Variants in TFDP1 observed in about 807,000 individuals in gnomAD.
The protein encoded by TFDP1 is transcription factor Dp-1, also known as DRTF1-polypeptide 1.
Under a neutral mutation model 48.0 loss-of-function variants are expected in TFDP1, and 6 were observed. That is an observed-to-expected ratio of 0.13 (90% CI 0.07 to 0.25). The LOEUF is 0.25. Ranked by LOEUF, TFDP1 falls within the 10% of genes least tolerant of loss-of-function variation. The pLI, the probability that TFDP1 is intolerant of heterozygous loss-of-function variation, is 1.00. For synonymous variants in TFDP1, 201 were observed against 211.6 expected, an observed-to-expected ratio of 0.95 and a Z score of 0.44; for missense variants, 335 against 543.0, an observed-to-expected ratio of 0.62 and a Z score of 3.81.
Position 113,607,361 on chromosome 13 carries a change from G to A in TFDP1, c.13-3635G>A, listed in dbSNP as rs1051573282. Among the ~76,000 whole-genome samples the A allele has an allele frequency of 7.9e-5, 12 of 152,254 alleles. No individual in the cohort carries two copies. The highest frequency in any genetic ancestry group is 2.9e-4 in the African/African-American group (12 of 41,470). ...CTGGTGGAACCAGCAGGCCAAGGCTGTGGATTTTGAAGTGCTGTCTGCCAT... is the reference window on the plus strand; with the variant it reads ...CTGGTGGAACCAGCAGGCCAAGGCTATGGATTTTGAAGTGCTGTCTGCCAT... On this transcript the variant is annotated intron_variant, in intron 2 of 11. Transcript: ENST00000375370. This position sits in a 1 kb window ranked among gnomAD's most constrained non-coding sequence, Gnocchi z 5.2.
intron 3 of TFDP1, among the ~76,000 whole-genome samples, chr13:113,612,604 A>G (rs1393859251): frequency 6.6e-6 from 1 of 152,212 alleles, no homozygotes; most frequent in Non-Finnish European, 1.5e-5. Flanking sequence ...AAAAAAGTTC[A>G]CCATTTTATT....
rs376302303 is a variant in TFDP1 at position 113,623,978 on chromosome 13, G to A, written c.186+692G>A. Among the ~76,000 whole-genome samples the A allele has an allele frequency of 6.6e-6, 1 of 152,198 alleles. No homozygotes were observed. The highest frequency in any genetic ancestry group is 1.5e-5 in the Non-Finnish European group (1 of 68,022). On this transcript the variant is annotated intron_variant, in intron 4 of 11. Coordinates refer to ENST00000375370, the MANE Select transcript of TFDP1 (RefSeq NM_007111.5). This position sits in a 1 kb window ranked among gnomAD's most constrained non-coding sequence, Gnocchi z 5.2. ...GGGGCCCCAGGCACTTGGTGGGCAG[G>A]TTTGGCTGTGACTGGAGCTGGTGGT...
At chr13:113,605,184 G>T (rs150585935) in intron 2 of TFDP1, among the ~76,000 whole-genome samples, 24 of 152,104 alleles carry the variant, frequency 1.6e-4, no homozygotes, top group Non-Finnish European at 1.8e-4. Flanking sequence ...GTCCTTGGGG[G>T]TCACCTTCCA....
chr13:113,597,112 C>T (rs1487869172), intron 2 of TFDP1, among the ~76,000 whole-genome samples: 1 of 152,152 alleles, frequency 6.6e-6, no homozygotes, highest in Non-Finnish European at 1.5e-5. Context: ...CCAGGCCACC[C>T]TGGAGGAGGG....
At chr13:113,631,964 C>T (rs776647860) in intron 5 of TFDP1, 22 of 586,026 alleles carry the variant, frequency 3.8e-5, no homozygotes, top group Non-Finnish European at 5.8e-5. Context: ...CACCGCCCAC[C>T]CCGCTTTGTG....
intron 8 of TFDP1, among the ~76,000 whole-genome samples, chr13:113,635,524 C>G: frequency 6.6e-6 from 1 of 152,168 alleles, no homozygotes; most frequent in East Asian, 1.9e-4. Context: ...CTTGCAGGGC[C>G]TATTCCCCCA....
In TFDP1 at chr13:113,626,052, C is replaced by T. The variant is rs570106493; in HGVS notation, c.186+2766C>T. ...GTGTCTCTCACGCGTCCTCAGGTGT[C>T]TCTCACATGTCCTCAGGTGTCTCTC... On this transcript the variant is annotated intron_variant, in intron 4 of 11. Transcript: ENST00000375370. Among the ~76,000 whole-genome samples the T allele has an allele frequency of 4.1e-5, 6 of 147,380 alleles. No individual in the cohort carries two copies. In the South Asian group the frequency reaches 1.3e-3, roughly 32 times the overall value.
At chr13:113,632,981 C>T (rs562981024) in intron 5 of TFDP1, 139 bp from the exon 6 acceptor site, 99 of 1,009,002 alleles carry the variant, frequency 9.8e-5, no homozygotes, top group Admixed American at 2.7e-4. Context: ...GGCCTGCTCA[C>T]GTGTTGGATC....
intron 3 of TFDP1, among the ~76,000 whole-genome samples, chr13:113,616,755 GC>G (rs2048869249): frequency 6.6e-6 from 1 of 152,088 alleles, no homozygotes; most frequent in African/African-American, 2.4e-5. Context: ...TGTGCCCCTT[GC>G]CCCCCGACAC....
chr13:113,633,116 G>A lies in TFDP1; in HGVS notation c.309-4G>A. On this transcript the variant is annotated splice_region_variant and splice_polypyrimidine_tract_variant and intron_variant, in intron 5 of 11. Coordinates refer to ENST00000375370, the MANE Select transcript of TFDP1 (RefSeq NM_007111.5). The surrounding 1 kb of genome is among the most constrained non-coding windows in gnomAD (Gnocchi z 4.5). ...TCGCTTCTCTTTTCCTTTGTATTTT[G>A]AAGGAAGCGCAACAGGAAAGGAGAG... The A allele has an allele frequency of 6.5e-7, 1 of 1,535,032 alleles. No homozygotes were observed. Among genetic ancestry groups the A allele is most frequent in the South Asian group, 1.1e-5 (1 of 89,856 alleles).
At chr13:113,625,397 A>ACGTGTCCTCAGGCGTCTCC (rs2049123518) in intron 4 of TFDP1, among the ~76,000 whole-genome samples, 1 of 83,514 alleles carries the variant, frequency 1.2e-5, no homozygotes, top group African/African-American at 4.7e-5. Flanking sequence ...CAGGCGTCTC[A>ACGTGTCCTCAGGCGTCTCC]CGTGTCCTCA....
At chr13:113,590,048 T>A (rs1344006761) in intron 2 of TFDP1, among the ~76,000 whole-genome samples, 1 of 152,258 alleles carries the variant, frequency 6.6e-6, no homozygotes, top group African/African-American at 2.4e-5. Context: ...CGTGTGGGGC[T>A]GTTTCTGGGG....
At chr13:113,585,653 A>G (rs1456885877) in intron 1 of TFDP1, 121 bp from the exon 2 acceptor site, 2 of 575,530 alleles carry the variant, frequency 3.5e-6, no homozygotes, top group South Asian at 2.3e-5. Context: ...CGCTCTCAGG[A>G]TGGAGGGTGC....
rs1273727924 is a variant in TFDP1 at position 113,636,752 on chromosome 13, C to T, written c.1006+52C>T. ...TGGCTGTGTGAGGAATGGCCCCCAG[C>T]CTCCGACGGTGCCCTCCCCTCCCGG... On this transcript the variant is annotated intron_variant, in intron 10 of 11. Transcript: ENST00000375370. The T allele has an allele frequency of 3.2e-6, 5 of 1,580,004 alleles. No individual in the cohort carries two copies. In the Admixed American group the frequency reaches 8.9e-5, roughly 28 times the overall value.
intron 11 of TFDP1, 37 bp downstream of exon 11, chr13:113,637,933 G>A: frequency 6.2e-7 from 1 of 1,605,274 alleles, no homozygotes; most frequent in Non-Finnish European, 8.5e-7. Flanking sequence ...GGCGTCATCT[G>A]GGCCTCCCCC....
At chr13:113,585,939 A>G (rs368688063) in intron 2 of TFDP1, 90 bp downstream of exon 2, 117 of 1,426,810 alleles carry the variant, frequency 8.2e-5, no homozygotes, top group East Asian at 1.6e-4. Context: ...ATGACAACAC[A>G]TAAGCTACAG....
Position 113,635,998 on chromosome 13 carries a change from G to C in TFDP1, c.709G>C (p.Val237Leu), listed in dbSNP as rs368780494. 6.2e-7 allele frequency: 1 copy of C among 1,614,014 alleles called. No homozygotes were observed. Among genetic ancestry groups the C allele is most frequent in the Non-Finnish European group, 8.5e-7 (1 of 1,179,996 alleles). Residue 237 changes from valine (V) to leucine (L), a missense_variant, in exon 9 of 12, where the codon GTG (valine) becomes CTG (leucine). Coordinates refer to ENST00000375370, the MANE Select transcript of TFDP1 (RefSeq NM_007111.5). Reference protein sequence around the residue: ...ILQQIAFKNLVQRNRHAEQQA... With the variant: ...ILQQIAFKNLLQRNRHAEQQA... ...TTAGCAAATTGCCTTCAAGAACCTG[G>C]TGCAGAGAAACCGGCATGCGGAGCA...
chr13:113,613,168 C>A (rs970780171), intron 3 of TFDP1, among the ~76,000 whole-genome samples: 1 of 152,190 alleles, frequency 6.6e-6, no homozygotes, highest in African/African-American at 2.4e-5. Flanking sequence ...AGGTGCCCAC[C>A]ACCATATCCA....
chr13:113,633,879 G>A lies in TFDP1; in HGVS notation c.475-11G>A, dbSNP rs1407968455. On this transcript the variant is annotated splice_polypyrimidine_tract_variant and intron_variant, in intron 6 of 11. Transcript: ENST00000375370. The surrounding 1 kb of genome is among the most constrained non-coding windows in gnomAD (Gnocchi z 4.5). ...GGATCATTTGGAAACTCCACTCCCT[G>A]TCATCCCCAGGCTTATGACCAGAAA... 1 of 1,603,690 alleles carries A rather than the reference G, an allele frequency of 6.2e-7. No homozygotes were observed. Among genetic ancestry groups the A allele is most frequent in the African/African-American group, 1.3e-5 (1 of 74,656 alleles).
Sources: gnomAD v4.1 joint callset for allele counts (sites outside exome capture counted in the v4.1 genomes callset) on GRCh38, gnomAD v4.1.1 for gene constraint, Gnocchi (gnomAD v3.1) non-coding constraint, MANE v1.5 for transcripts, NCBI Gene and HGNC (gene_info 2026-07-23, HGNC 2026-07-21) for gene names.